TANGO2: variants seen among roughly 807,000 people sequenced by gnomAD.
TANGO2 encodes transport and Golgi organization protein 2 homolog.
Under a neutral mutation model 39.1 loss-of-function variants are expected in TANGO2, and 26 were observed. That is an observed-to-expected ratio of 0.67 (90% CI 0.49 to 0.92). TANGO2 has a LOEUF of 0.92. Ranked by LOEUF, TANGO2 falls within the 40% of genes least tolerant of loss-of-function variation. TANGO2 has a pLI of 0.00. For synonymous variants in TANGO2, 131 were observed against 144.5 expected (o/e 0.91, Z 0.67); for missense variants, 326 against 360.1 (o/e 0.91, Z 0.77).
intron 1 of TANGO2, among the ~76,000 whole-genome samples, chr22:20,027,341 C>T (rs1011342757): frequency 1.3e-5 from 2 of 152,150 alleles, no homozygotes; most frequent in Admixed American, 1.3e-4. Flanking sequence ...GCCAAATCAG[C>T]CCATGTGCAG....
intron 1 of TANGO2, among the ~76,000 whole-genome samples, chr22:20,025,122 C>T (rs2040477914): frequency 6.7e-6 from 1 of 150,124 alleles, no homozygotes. Flanking sequence ...AGGAGAATCG[C>T]TTGAATACCG....
intron 6 of TANGO2, among the ~76,000 whole-genome samples, chr22:20,060,347 T>G (rs1346968473): frequency 1.9e-5 from 1 of 53,244 alleles, no homozygotes; most frequent in Non-Finnish European, 3.2e-5. Flanking sequence ...AGACTCCGTC[T>G]CAAAAAAAAA....
At chr22:20,035,330 T>C (rs961848370) in intron 1 of TANGO2, among the ~76,000 whole-genome samples, 1 of 152,248 alleles carries the variant, frequency 6.6e-6, no homozygotes, top group Non-Finnish European at 1.5e-5. Flanking sequence ...CCCCACTCAT[T>C]AGACTTTTCT....
chr22:20,038,381 G>A (rs1428391789), intron 2 of TANGO2, among the ~76,000 whole-genome samples: 3 of 152,318 alleles, frequency 2.0e-5, no homozygotes, highest in East Asian at 1.9e-4. Flanking sequence ...CTCTGTATGC[G>A]TTTCAGGGCT....
intron 3 of TANGO2, among the ~76,000 whole-genome samples, chr22:20,047,582 A>G (rs1306442654): frequency 3.3e-5 from 5 of 152,030 alleles, no homozygotes; most frequent in Admixed American, 2.0e-4. Context: ...CATCCAAACT[A>G]TGGCAGCCAT....
At chr22:20,034,751 G>A (rs1048876132) in intron 1 of TANGO2, among the ~76,000 whole-genome samples, 29 of 152,278 alleles carry the variant, frequency 1.9e-4, no homozygotes, top group Non-Finnish European at 3.7e-4. Context: ...ACTGGACCTT[G>A]TCTTCTGTCT....
At chr22:20,064,182 A>G (rs1308207506) in intron 8 of TANGO2, among the ~76,000 whole-genome samples, 1 of 152,224 alleles carries the variant, frequency 6.6e-6, no homozygotes, top group African/African-American at 2.4e-5. Context: ...TCTTGGAAGA[A>G]CCAAGCATGG....
intron 3 of TANGO2, among the ~76,000 whole-genome samples, chr22:20,047,224 G>GTTT (rs1241057513): frequency 6.0e-4 from 87 of 145,790 alleles, no homozygotes; most frequent in African/African-American, 2.1e-3. Context: ...CAGTTTTTTG[G>GTTT]TTTGTTTGTT....
chr22:20,026,585 CAG>C (rs1222921306), intron 1 of TANGO2, among the ~76,000 whole-genome samples: 1 of 152,252 alleles, frequency 6.6e-6, no homozygotes, highest in Non-Finnish European at 1.5e-5. Context: ...AGCTGAAAGG[CAG>C]GGGATGGCTA....
intron 1 of TANGO2, chr22:20,033,029 C>T (rs1031833738): frequency 2.6e-6 from 1 of 380,738 alleles, no homozygotes; most frequent in African/African-American, 2.2e-5. Flanking sequence ...CACAGGGGCC[C>T]AGGCAAAGGC....
chr22:20,019,065 CAG>C (rs1230970696), upstream of TANGO2: 4 of 152,060 alleles, frequency 2.6e-5, no homozygotes, highest in African/African-American at 9.7e-5. Flanking sequence ...GCCTAGGAGA[CAG>C]AGCGAGACTC....
At chr22:20,029,861 A>C (rs973001595) in intron 1 of TANGO2, among the ~76,000 whole-genome samples, 1 of 152,174 alleles carries the variant, frequency 6.6e-6, no homozygotes, top group Admixed American at 6.5e-5. Flanking sequence ...GCCTGGCCCA[A>C]CTGGAGATGG....
At chr22:20,023,269 T>C (rs2040064118) in intron 1 of TANGO2, among the ~76,000 whole-genome samples, 1 of 151,272 alleles carries the variant, frequency 6.6e-6, no homozygotes, top group African/African-American at 2.4e-5. Flanking sequence ...CTTCATCCTC[T>C]TTGCGGGCAT....
upstream of TANGO2, among the ~76,000 whole-genome samples, chr22:20,017,393 C>T (rs540736578): frequency 3.3e-4 from 50 of 152,294 alleles, no homozygotes; most frequent in Middle Eastern, 3.4e-3. Flanking sequence ...CTCTCATCCT[C>T]ACGCCCCTGG....
chr22:20,048,697 A>G (rs2045729115), intron 3 of TANGO2, among the ~76,000 whole-genome samples: 1 of 151,320 alleles, frequency 6.6e-6, no homozygotes, highest in African/African-American at 2.4e-5. Flanking sequence ...GCCAGGCTGG[A>G]GTACAGTGGT....
intron 7 of TANGO2, 109 bp downstream of exon 7, chr22:20,061,792 C>G (rs1433660874): frequency 3.7e-6 from 5 of 1,361,676 alleles, no homozygotes; most frequent in East Asian, 2.6e-5. Context: ...CAGGCTGGGT[C>G]CCCAGCTGCA....
At chr22:20,050,450 A>G (rs1353076492) in intron 3 of TANGO2, among the ~76,000 whole-genome samples, 1 of 128,546 alleles carries the variant, frequency 7.8e-6, no homozygotes, top group Non-Finnish European at 1.5e-5. Context: ...TGCAACCTCC[A>G]CCTCCCGGGT....
chr22:20,025,454 G>A (rs571040495), intron 1 of TANGO2, among the ~76,000 whole-genome samples: 73 of 152,126 alleles, frequency 4.8e-4, no homozygotes, highest in Middle Eastern at 6.8e-3. Context: ...CTTACTGGGT[G>A]TGCACGCTTT....
chr22:20,056,917 A>G (rs1333645364), intron 6 of TANGO2: 1 of 456,602 alleles, frequency 2.2e-6, no homozygotes, highest in Non-Finnish European at 4.4e-6. Flanking sequence ...CTGCTGGCTC[A>G]CACAGGGTGT....
Sources: allele counts gnomAD v4.1 joint callset (sites outside exome capture counted in the v4.1 genomes callset), GRCh38; gene constraint gnomAD v4.1.1; transcripts MANE v1.5; gene names NCBI Gene and HGNC (gene_info 2026-07-23, HGNC 2026-07-21).